TAF2: variants seen among roughly 807,000 people sequenced by gnomAD.
The protein encoded by TAF2 is TATA-box binding protein associated factor 2, also known as transcription initiation factor TFIID subunit 2.
In TAF2, 61 loss-of-function variants were observed where a neutral mutation model predicts 138.5. That is an observed-to-expected ratio of 0.44 (90% CI 0.36 to 0.54). The LOEUF (loss-of-function observed/expected upper bound fraction) is 0.54. TAF2 is among the 20% of genes least tolerant of loss of function. The pLI is 0.00. For missense variants in TAF2, 1,090 were observed against 1,427.9 expected (o/e 0.76, Z 3.81); for synonymous variants, 475 against 469.9 (o/e 1.01, Z -0.14).
chr8:119,774,614 C>T (rs187309268), intron 18 of TAF2, among the ~76,000 whole-genome samples: 30 of 152,024 alleles, frequency 2.0e-4, no homozygotes, highest in Admixed American at 1.2e-3. Flanking sequence ...CTGATTTACA[C>T]GGAGAAAATT....
chr8:119,821,351 C>T (rs1041635422), intron 2 of TAF2, among the ~76,000 whole-genome samples: 2 of 152,162 alleles, frequency 1.3e-5, no homozygotes, highest in Admixed American at 6.5e-5. Flanking sequence ...CTCCTGGAGC[C>T]CACACTCCAT....
intron 22 of TAF2, among the ~76,000 whole-genome samples, chr8:119,751,565 T>C (rs1820356002): frequency 6.6e-6 from 1 of 152,232 alleles, no homozygotes. Flanking sequence ...CCCAAATAGT[T>C]TGTTCTCTTT....
chr8:119,760,577 G>A (rs766015030), intron 20 of TAF2, 22 bp downstream of exon 20: 1 of 1,610,248 alleles, frequency 6.2e-7, no homozygotes, highest in South Asian at 1.1e-5. Context: ...AATGATATGA[G>A]CACGTATTTC....
intron 22 of TAF2, among the ~76,000 whole-genome samples, chr8:119,752,987 A>G (rs1431061570): frequency 6.6e-6 from 1 of 152,206 alleles, no homozygotes; most frequent in Non-Finnish European, 1.5e-5. Flanking sequence ...GACTTAAATG[A>G]TGCTCTAGCT....
Position 119,819,463 on chromosome 8 carries a change from T to C in TAF2, c.182A>G (p.Asn61Ser). The C allele has an allele frequency of 6.2e-7, 1 of 1,610,534 alleles. No individual in the cohort carries two copies. Among genetic ancestry groups the C allele is most frequent in the Non-Finnish European group, 8.5e-7 (1 of 1,179,012 alleles). Residue 61 changes from asparagine (N) to serine (S), a missense_variant, in exon 3 of 26, where the codon AAT becomes AGT. Coordinates refer to ENST00000378164, the MANE Select transcript of TAF2 (RefSeq NM_003184.4). ...LTIFPTVANLNRIKLNSKQCR... is the reference protein window; with the variant it reads ...LTIFPTVANLSRIKLNSKQCR... ...CTGTTTGCTGTTCAACTTGATTCTA[T>C]TCAAGTTTGCAACTGTGGGAAATAT...
intron 22 of TAF2, among the ~76,000 whole-genome samples, chr8:119,752,430 C>T (rs1321918520): frequency 6.6e-6 from 1 of 152,006 alleles, no homozygotes; most frequent in Non-Finnish European, 1.5e-5. Context: ...CCTGAGATCT[C>T]AAAAAGTTTG....
intron 3 of TAF2, among the ~76,000 whole-genome samples, chr8:119,807,692 A>G (rs1017109784): frequency 7.2e-5 from 11 of 152,226 alleles, no homozygotes; most frequent in African/African-American, 2.7e-4. Context: ...TGGGAGTCCA[A>G]GGTGGTGGAT....
chr8:119,737,814 T>C (rs1419652574), intron 25 of TAF2, among the ~76,000 whole-genome samples: 1 of 150,732 alleles, frequency 6.6e-6, no homozygotes, highest in African/African-American at 2.5e-5. Flanking sequence ...GGCCTAAAGC[T>C]TTTTTTTAAA....
At chr8:119,791,230 A>G in intron 11 of TAF2, 94 bp downstream of exon 11, 1 of 1,455,958 alleles carries the variant, frequency 6.9e-7, no homozygotes. Context: ...CTATAAATCC[A>G]GATGTCCTGA....
intron 3 of TAF2, among the ~76,000 whole-genome samples, chr8:119,813,300 T>C (rs1825224968): frequency 1.3e-5 from 2 of 152,366 alleles, no homozygotes; most frequent in South Asian, 4.1e-4. Flanking sequence ...TATAAAAGAA[T>C]AGCTACTCCT....
intron 2 of TAF2, among the ~76,000 whole-genome samples, chr8:119,829,308 G>C (rs1203127059): frequency 6.6e-6 from 1 of 152,122 alleles, no homozygotes; most frequent in African/African-American, 2.4e-5. Context: ...CTGCAGGTAA[G>C]CAGTAGCTTC....
chr8:119,776,963 C>T (rs184787249), intron 18 of TAF2, among the ~76,000 whole-genome samples: 99 of 152,264 alleles, frequency 6.5e-4, no homozygotes, highest in African/African-American at 2.2e-3. Flanking sequence ...TTCCACCAAC[C>T]TCAGATCAAA....
chr8:119,770,925 G>A (rs912380282), intron 18 of TAF2, among the ~76,000 whole-genome samples: 2 of 152,064 alleles, frequency 1.3e-5, no homozygotes, highest in African/African-American at 4.8e-5. Context: ...CAAAAAATTA[G>A]CTGGGCCTGG....
intron 9 of TAF2, among the ~76,000 whole-genome samples, chr8:119,794,769 T>A (rs1241340611): frequency 6.6e-6 from 1 of 152,206 alleles, no homozygotes; most frequent in Admixed American, 6.5e-5. Flanking sequence ...CAGTTCTAGA[T>A]GTACAAATAC....
intron 25 of TAF2, among the ~76,000 whole-genome samples, chr8:119,735,324 A>G (rs967177995): frequency 6.6e-6 from 1 of 152,224 alleles, no homozygotes; most frequent in Non-Finnish European, 1.5e-5. Flanking sequence ...GAATGAATGA[A>G]TGACTATAAC....
At chr8:119,785,810 G>C (rs540525349) in intron 14 of TAF2, among the ~76,000 whole-genome samples, 2 of 152,180 alleles carry the variant, frequency 1.3e-5, no homozygotes, top group African/African-American at 4.8e-5. Flanking sequence ...ATAAAAACAG[G>C]AACAGAGAAA....
chr8:119,802,963 T>A (rs1376039659), intron 5 of TAF2, among the ~76,000 whole-genome samples: 1 of 151,984 alleles, frequency 6.6e-6, no homozygotes, highest in Non-Finnish European at 1.5e-5. Flanking sequence ...AATAAAATAA[T>A]TAGCCAGGTG....
Position 119,758,117 on chromosome 8 carries a change from T to C in TAF2, c.2724A>G (p.Gln908=), listed in dbSNP as rs150316992. ...TKVDRSYEEL[Q]WLLNMIQNDP... Reference sequence around the variant, plus strand: ...CATTCTGAATCATATTAAGTAGCCATTGCAGTTCTTCATAACTTCTGTCCA... The same window carrying C: ...CATTCTGAATCATATTAAGTAGCCACTGCAGTTCTTCATAACTTCTGTCCA... Residue 908 remains glutamine, a synonymous_variant, in exon 21 of 26, where the codon CAA becomes CAG. Transcript: ENST00000378164. 6.8e-6 allele frequency: 11 copies of C among 1,613,066 alleles called. No individual in the cohort carries two copies. Among genetic ancestry groups the C allele is most frequent in the South Asian group, 4.4e-5 (4 of 91,034 alleles).
At chr8:119,783,753 G>C in intron 15 of TAF2, 120 bp from the exon 16 acceptor site, 1 of 1,223,506 alleles carries the variant, frequency 8.2e-7, no homozygotes, top group Non-Finnish European at 1.1e-6. Context: ...ATTCAAGACT[G>C]CCTGGAGTTT....
Sources: allele counts gnomAD v4.1 joint callset (sites outside exome capture counted in the v4.1 genomes callset), GRCh38; gene constraint gnomAD v4.1.1; transcripts MANE v1.5; gene names NCBI Gene and HGNC (gene_info 2026-07-23, HGNC 2026-07-21).